MTMR7: variants seen among roughly 807,000 people sequenced by gnomAD.
MTMR7 encodes the protein phosphatidylinositol-3-phosphate phosphatase MTMR7.
A neutral mutation model predicts 81.2 loss-of-function variants in MTMR7; 76 were observed. The ratio of observed to expected loss-of-function variants is 0.94; its 90% CI spans 0.78 to 1.13. The LOEUF is 1.13. Among genes scored for constraint, MTMR7 ranks in the 50% most tolerant of loss-of-function variants. The probability of loss-of-function intolerance (pLI) is 0.00; values close to 1 mark genes in which losing one functional copy is unlikely to be tolerated. For missense variants in MTMR7, 1,044 were observed against 820.0 expected (o/e 1.27, Z -3.34); for synonymous variants, 372 against 289.8 (o/e 1.28, Z -2.88).
At chr8:17,348,106 G>C (rs1445322407) in intron 5 of MTMR7, among the ~76,000 whole-genome samples, 2 of 152,124 alleles carry the variant, frequency 1.3e-5, no homozygotes, top group Admixed American at 6.5e-5. Flanking sequence ...TCCTCTTAGA[G>C]CCACTGTTAC....
intron 4 of MTMR7, among the ~76,000 whole-genome samples, chr8:17,349,769 G>A (rs1006454667): frequency 6.6e-6 from 1 of 152,164 alleles, no homozygotes; most frequent in African/African-American, 2.4e-5. Flanking sequence ...GGTAAGGATC[G>A]ATGTACTCTT....
At chr8:17,363,248 A>G (rs1270364762) in intron 3 of MTMR7, among the ~76,000 whole-genome samples, 1 of 152,248 alleles carries the variant, frequency 6.6e-6, no homozygotes, top group African/African-American at 2.4e-5. Context: ...TTCATGACTC[A>G]GGCTTCTGCT....
At chr8:17,338,000 C>G (rs73212009) in intron 6 of MTMR7, among the ~76,000 whole-genome samples, 4,074 of 152,264 alleles carry the variant, frequency 0.027, 81 homozygotes, top group Non-Finnish European at 0.041. Flanking sequence ...TGAGAAGTGC[C>G]TGCTTGCCAG....
chr8:17,303,643 CTT>C (rs1554504321), intron 12 of MTMR7, among the ~76,000 whole-genome samples: 9 of 146,278 alleles, frequency 6.2e-5, no homozygotes, highest in Non-Finnish European at 6.0e-5. Context: ...GAGTTTTGCT[CTT>C]GTTGCCCAGG....
intron 1 of MTMR7, among the ~76,000 whole-genome samples, chr8:17,385,314 C>A (rs1169575516): frequency 6.6e-6 from 1 of 151,944 alleles, no homozygotes; most frequent in African/African-American, 2.4e-5. Context: ...TGTCCCCACG[C>A]AAATCTCATC....
At chr8:17,365,220 G>C (rs1014883353) in intron 3 of MTMR7, among the ~76,000 whole-genome samples, 4 of 152,168 alleles carry the variant, frequency 2.6e-5, no homozygotes, top group African/African-American at 9.7e-5. Flanking sequence ...CTTCTTTTGA[G>C]TAATGTCTCT....
At chr8:17,337,911 C>A (rs1819298347) in intron 6 of MTMR7, among the ~76,000 whole-genome samples, 1 of 152,104 alleles carries the variant, frequency 6.6e-6, no homozygotes, top group Admixed American at 6.5e-5. Flanking sequence ...TCATGTGGGG[C>A]TAGCCTTGCT....
intron 4 of MTMR7, among the ~76,000 whole-genome samples, chr8:17,352,618 A>G (rs556870481): frequency 6.6e-6 from 1 of 152,214 alleles, no homozygotes; most frequent in African/African-American, 2.4e-5. Flanking sequence ...TATCAAACTT[A>G]AAAACTTTTA....
At chr8:17,347,963 T>C (rs907562539) in intron 5 of MTMR7, among the ~76,000 whole-genome samples, 2 of 152,130 alleles carry the variant, frequency 1.3e-5, no homozygotes, top group African/African-American at 4.8e-5. Flanking sequence ...AGGCAGGCCA[T>C]GGCCAAATCC....
intron 1 of MTMR7, among the ~76,000 whole-genome samples, chr8:17,375,318 A>T (rs1820549639): frequency 6.6e-6 from 1 of 151,994 alleles, no homozygotes; most frequent in African/African-American, 2.4e-5. Context: ...ACTTCCTCCC[A>T]GTTTTCAGAG....
chr8:17,339,302 T>G (rs1819340546), intron 6 of MTMR7, among the ~76,000 whole-genome samples: 1 of 152,210 alleles, frequency 6.6e-6, no homozygotes, highest in South Asian at 2.1e-4. Flanking sequence ...TTCACCCATT[T>G]AAAGCATACG....
At chr8:17,349,550 G>A (rs1350278533) in intron 4 of MTMR7, 1 of 157,974 alleles carries the variant, frequency 6.3e-6, no homozygotes, top group Non-Finnish European at 1.4e-5. Context: ...TCCTGACCCT[G>A]ACACATCACA....
At chr8:17,363,492 C>T (rs8180986) in intron 3 of MTMR7, among the ~76,000 whole-genome samples, 40,177 of 151,986 alleles carry the variant, frequency 0.26, 6,189 homozygotes, top group East Asian at 0.7. Context: ...GAAGAGGCAA[C>T]GAAATTATCC....
Position 17,297,982 on chromosome 8 carries a change from T to C in MTMR7, c.*1880A>G, listed in dbSNP as rs1289514929. 6.6e-6 allele frequency: 1 copy of C among 152,146 alleles called. No individual in the cohort carries two copies. The highest frequency in any genetic ancestry group is 6.5e-5 in the Admixed American group (1 of 15,276). The allele number at this position is 152,146 out of a possible 1,614,324, so 9.4% of individuals were successfully genotyped here. A position where few individuals can be genotyped will look rare whatever the true frequency, so the allele number is the denominator to read the frequency against. On this transcript the variant is annotated 3_prime_UTR_variant, in exon 14 of 14. Transcript: ENST00000180173. ...TACATTTTAAAACATCAAATATTTA[T>C]ACTATTTGCTTTTCAAATAAAAGCA...
intron 6 of MTMR7, among the ~76,000 whole-genome samples, chr8:17,332,637 G>C (rs1275858053): frequency 9.2e-5 from 14 of 152,190 alleles, no homozygotes; most frequent in Non-Finnish European, 1.6e-4. Context: ...CATCACAAGA[G>C]AAGTACACTT....
chr8:17,349,054 A>G lies in MTMR7; in HGVS notation c.496T>C (p.Tyr166His). The G allele has an allele frequency of 1.2e-6, 2 of 1,612,558 alleles. No homozygotes were observed. The highest frequency in any genetic ancestry group is 1.6e-4 in the Middle Eastern group (1 of 6,062). The stretch of plus-strand genomic sequence containing the variant: ...TGTGCCGTGGCCGATTTGGGAACGT[A>G]CAGTTCAGTAGGATAAGAGTCACAG... Reference protein sequence around the residue: ...RVCDSYPTELYVPKSATAHII... With the variant: ...RVCDSYPTELHVPKSATAHII... Residue 166 changes from tyrosine to histidine, a missense_variant, in exon 5 of 14, where the codon TAC (tyrosine) becomes CAC (histidine). Physicochemically the swap from Tyr to His is moderately conservative, Grantham distance 83 (BLOSUM62 2). Transcript: ENST00000180173.
At chr8:17,315,051 C>T (rs111493382) in intron 7 of MTMR7, among the ~76,000 whole-genome samples, 5,162 of 152,212 alleles carry the variant, frequency 0.034, 285 homozygotes, top group African/African-American at 0.11. Context: ...GGTAGTCAGC[C>T]GTGGGCTGAG....
intron 6 of MTMR7, among the ~76,000 whole-genome samples, chr8:17,331,664 A>T (rs928016159): frequency 4.6e-5 from 7 of 152,240 alleles, no homozygotes; most frequent in Admixed American, 3.3e-4. Flanking sequence ...TATCAGCAGA[A>T]ACAGCTGTCA....
chr8:17,306,455 T>C (rs1450492386), intron 10 of MTMR7, among the ~76,000 whole-genome samples: 1 of 152,150 alleles, frequency 6.6e-6, no homozygotes, highest in Non-Finnish European at 1.5e-5. Flanking sequence ...GGTTAAAGCT[T>C]ATCACGTGAT....
Sources: gnomAD v4.1 joint callset for allele counts (sites outside exome capture counted in the v4.1 genomes callset) on GRCh38, gnomAD v4.1.1 for gene constraint, MANE v1.5 for transcripts, NCBI Gene and HGNC (gene_info 2026-07-23, HGNC 2026-07-21) for gene names.